EPHA5: variants seen among roughly 807,000 people sequenced by gnomAD.
EPHA5 encodes the protein ephrin type-A receptor 5.
In EPHA5, 60 loss-of-function variants were observed where a neutral mutation model predicts 105.0. That is an observed-to-expected ratio of 0.57 (90% confidence interval 0.46 to 0.71). The LOEUF is 0.71. Among genes scored for constraint, EPHA5 ranks in the 30% least tolerant of loss-of-function variants. The pLI, the probability that EPHA5 is intolerant of heterozygous loss-of-function variation, is 0.00. For synonymous variants in EPHA5, 513 were observed against 449.1 expected, an observed-to-expected ratio of 1.14 and a Z score of -1.80; for missense variants, 1,218 against 1,274.7, an observed-to-expected ratio of 0.96 and a Z score of 0.68.
intron 8 of EPHA5, among the ~76,000 whole-genome samples, chr4:65,376,193 C>T (rs1718986452): frequency 1.3e-5 from 2 of 152,044 alleles, no homozygotes; most frequent in South Asian, 4.1e-4. Context: ...CTCTAACATG[C>T]ATTAGAAATC....
chr4:65,448,101 CA>C (rs149586988), intron 5 of EPHA5, among the ~76,000 whole-genome samples: 17,186 of 150,522 alleles, frequency 0.11, 1,339 homozygotes, highest in East Asian at 0.19. Flanking sequence ...ATCATAAAGA[CA>C]ATAAAAAATT....
intron 5 of EPHA5, among the ~76,000 whole-genome samples, chr4:65,448,469 G>A (rs371128721): frequency 2.6e-5 from 4 of 152,054 alleles, no homozygotes; most frequent in East Asian, 1.9e-4. Context: ...CCAATATGGC[G>A]AAACCCCGTC....
At chr4:65,655,988 TA>T (rs1456234851) in intron 1 of EPHA5, among the ~76,000 whole-genome samples, 2 of 151,876 alleles carry the variant, frequency 1.3e-5, no homozygotes, top group South Asian at 4.2e-4. Context: ...CTGGAGATCC[TA>T]AAAAGATGTC....
At chr4:65,606,110 G>A (rs1030843590) in intron 2 of EPHA5, among the ~76,000 whole-genome samples, 12 of 152,140 alleles carry the variant, frequency 7.9e-5, no homozygotes, top group African/African-American at 1.2e-4. Flanking sequence ...TCCTTGATTC[G>A]TTGCATTAAT....
intron 5 of EPHA5, among the ~76,000 whole-genome samples, chr4:65,451,793 G>C (rs886616951): frequency 6.6e-6 from 1 of 152,148 alleles, no homozygotes; most frequent in Non-Finnish European, 1.5e-5. Flanking sequence ...GTTTACGAAT[G>C]ATTGTGTGTT....
intron 3 of EPHA5, among the ~76,000 whole-genome samples, chr4:65,516,699 G>T: frequency 6.6e-6 from 1 of 152,066 alleles, no homozygotes; most frequent in East Asian, 1.9e-4. Context: ...TCTATAAGAC[G>T]CAATCTTCAA....
At chr4:65,615,112 T>C (rs953290191) in intron 2 of EPHA5, among the ~76,000 whole-genome samples, 1 of 151,648 alleles carries the variant, frequency 6.6e-6, no homozygotes, top group Non-Finnish European at 1.5e-5. Flanking sequence ...TAAAATGAAC[T>C]GGAAAAATAC....
intron 6 of EPHA5, among the ~76,000 whole-genome samples, chr4:65,420,117 T>G (rs758305313): frequency 2.6e-5 from 4 of 152,162 alleles, no homozygotes; most frequent in African/African-American, 9.7e-5. Context: ...GTTAGCACAC[T>G]GCAGTCACTA....
intron 8 of EPHA5, among the ~76,000 whole-genome samples, chr4:65,395,460 C>A (rs184249790): frequency 6.6e-6 from 1 of 152,150 alleles, no homozygotes. Flanking sequence ...AAAGTAAGTA[C>A]AAAAGGCTAA....
chr4:65,482,150 T>C (rs1051832594), intron 5 of EPHA5, among the ~76,000 whole-genome samples: 1 of 151,902 alleles, frequency 6.6e-6, no homozygotes, highest in Admixed American at 6.6e-5. Context: ...ATACAAATAT[T>C]AGCCGGGCCT....
At chr4:65,371,081 A>G in intron 8 of EPHA5, among the ~76,000 whole-genome samples, 1 of 152,148 alleles carries the variant, frequency 6.6e-6, no homozygotes, top group East Asian at 1.9e-4. Flanking sequence ...TTTTCTGGAA[A>G]TGATGTCTTT....
chr4:65,479,063 A>G (rs1730105583), intron 5 of EPHA5, among the ~76,000 whole-genome samples: 1 of 152,014 alleles, frequency 6.6e-6, no homozygotes, highest in Non-Finnish European at 1.5e-5. Context: ...TCTAAAACCT[A>G]TTTTTTCCAT....
chr4:65,353,196 A>G (rs2148861221), intron 11 of EPHA5, 93 bp from the exon 12 acceptor site: 4 of 293,264 alleles, frequency 1.4e-5, no homozygotes, highest in Non-Finnish European at 2.5e-5. Flanking sequence ...TAGTGTCAAA[A>G]TTGTATATAT....
chr4:65,597,153 T>G (rs1363948863), intron 3 of EPHA5, among the ~76,000 whole-genome samples: 1 of 152,198 alleles, frequency 6.6e-6, no homozygotes, highest in Admixed American at 6.5e-5. Flanking sequence ...TATTTTAGCA[T>G]GTACTATATA....
intron 2 of EPHA5, among the ~76,000 whole-genome samples, chr4:65,603,955 C>A (rs1381352353): frequency 2.0e-5 from 3 of 151,724 alleles, no homozygotes; most frequent in Middle Eastern, 3.4e-3. Context: ...ATATTTCATG[C>A]AAAAGAATAT....
chr4:65,512,166 T>G (rs1427777034), intron 3 of EPHA5, among the ~76,000 whole-genome samples: 1 of 152,062 alleles, frequency 6.6e-6, no homozygotes, highest in Non-Finnish European at 1.5e-5. Flanking sequence ...AAATATGAGG[T>G]AAAACATGAT....
intron 5 of EPHA5, among the ~76,000 whole-genome samples, chr4:65,437,650 G>A (rs1725602944): frequency 6.6e-6 from 1 of 151,850 alleles, no homozygotes; most frequent in South Asian, 2.1e-4. Context: ...TGTTGTTTCT[G>A]ATTATGCAAC....
chr4:65,655,792 GT>G (rs758548695), intron 1 of EPHA5, among the ~76,000 whole-genome samples: 4 of 151,968 alleles, frequency 2.6e-5, no homozygotes, highest in African/African-American at 4.8e-5. Context: ...ATATTCTGAG[GT>G]TGGCTCTAAT....
chr4:65,546,152 T>A (rs1256693477), intron 3 of EPHA5, among the ~76,000 whole-genome samples: 1 of 152,014 alleles, frequency 6.6e-6, no homozygotes, highest in East Asian at 1.9e-4. Context: ...TTTAACTTAC[T>A]GCATTTTAAA....
Sources: gnomAD v4.1 joint callset for allele counts (sites outside exome capture counted in the v4.1 genomes callset) on GRCh38, gnomAD v4.1.1 for gene constraint, MANE v1.5 for transcripts, NCBI Gene and HGNC (gene_info 2026-07-23, HGNC 2026-07-21) for gene names.